The following TJP2 variants were observed in gnomAD, a reference collection of about 807,000 sequenced individuals.
The protein encoded by TJP2 is Friedreich ataxia region gene X104 (tight junction protein ZO-2).
A neutral mutation model predicts 133.1 loss-of-function variants in TJP2; 91 were observed. The observed-to-expected ratio is 0.68, with a 90% confidence interval of 0.58 to 0.81. The LOEUF (loss-of-function observed/expected upper bound fraction) is 0.81, where lower values mean the gene tolerates loss of function less well. Ranked by LOEUF, TJP2 falls within the 40% of genes least tolerant of loss-of-function variation. The pLI is 0.00. For missense variants in TJP2, 1,541 were observed against 1,565.6 expected (o/e 0.98, Z 0.26); for synonymous variants, 592 against 583.4 (o/e 1.01, Z -0.21).
intron 2 of TJP2, among the ~76,000 whole-genome samples, chr9:69,216,104 A>T (rs1391341086): frequency 6.6e-6 from 1 of 152,152 alleles, no homozygotes; most frequent in Non-Finnish European, 1.5e-5. Flanking sequence ...AGTCTGCACT[A>T]TCAATCTTTT....
intron 1 of TJP2, among the ~76,000 whole-genome samples, chr9:69,137,545 G>T (rs1264783712): frequency 6.6e-6 from 1 of 151,286 alleles, no homozygotes; most frequent in Admixed American, 6.6e-5. Flanking sequence ...GTATTTTTTT[G>T]TTGAGATGGA....
intron 2 of TJP2, 100 bp downstream of exon 2, chr9:69,212,701 T>TC: frequency 2.1e-6 from 2 of 959,384 alleles, no homozygotes; most frequent in South Asian, 1.3e-5. Flanking sequence ...GGCTTTTTTT[T>TC]TCCCTTGAGG....
Position 69,218,464 on chromosome 9 carries a change from A to AG in TJP2, c.342+108dup. 4 of 819,048 alleles carry AG rather than the reference A, an allele frequency of 4.9e-6. No homozygotes were observed. In the South Asian group the frequency reaches 5.7e-5, roughly 12 times the overall value. The allele number at this position is 819,048 out of a possible 1,614,324, so 50.7% of individuals were successfully genotyped here. ...AGCATTTGACAGAATTACATAACCT[A>AG]GGGACCGCTGTTCTTGGATCCTCAG... is the stretch of plus-strand genomic sequence containing the variant. On this transcript the variant is annotated intron_variant, in intron 4 of 22. Transcript: ENST00000377245.
At chr9:69,154,802 A>T (rs1418399165) in intron 2 of TJP2, among the ~76,000 whole-genome samples, 1 of 151,834 alleles carries the variant, frequency 6.6e-6, no homozygotes, top group Non-Finnish European at 1.5e-5. Context: ...AATAAATAAA[A>T]ATTAAAAAAA....
rs1226819612 is a variant in TJP2 at position 69,221,425 on chromosome 9, G to A, written c.881G>A (p.Ser294Asn). Residue 294 changes from serine (S) to asparagine (N), a missense_variant, in exon 5 of 23, where the codon AGC becomes AAC. Coordinates refer to ENST00000377245, the MANE Select transcript of TJP2 (RefSeq NM_004817.4). The part of the protein sequence containing the change: ...SRSREHPHSR[S>N]PSPEPRGRPG... ...AGCCGCGAGCACCCGCACTCACGGA[G>A]CCCCAGCCCCGAGCCTAGGGGGCGG... is the stretch of plus-strand genomic sequence containing the variant. 10 of 1,587,558 alleles carry A rather than the reference G, an allele frequency of 6.3e-6. No individual in the cohort carries two copies. In the East Asian group the frequency reaches 2.3e-4, roughly 36 times the overall value.
intron 6 of TJP2, among the ~76,000 whole-genome samples, chr9:69,225,796 T>G (rs964273306): frequency 6.6e-6 from 1 of 152,196 alleles, no homozygotes; most frequent in African/African-American, 2.4e-5. Flanking sequence ...TGTCTTGAGC[T>G]TGGAAGTTAA....
chr9:69,179,210 C>G (rs1423782685), intron 1 of TJP2, among the ~76,000 whole-genome samples: 1 of 152,204 alleles, frequency 6.6e-6, no homozygotes, highest in Non-Finnish European at 1.5e-5. Flanking sequence ...CAATTAGTAA[C>G]TTGTACTTTA....
rs1025378069 is a variant in TJP2, at chr9:69,191,414, C to G, written c.60+16982C>G. Among the ~76,000 whole-genome samples the G allele has an allele frequency of 2.0e-5, 3 of 152,318 alleles. No individual in the cohort carries two copies. In the South Asian group the frequency reaches 6.2e-4, roughly 32 times the overall value. On this transcript the variant is annotated intron_variant, in intron 1 of 22. Transcript: ENST00000377245. ...AGTTGTTGACTATTTCAGTTCCAAACAGTTCGTTATTTCCTGTCAGAGGAA... is the reference window on the plus strand; with the variant it reads ...AGTTGTTGACTATTTCAGTTCCAAAGAGTTCGTTATTTCCTGTCAGAGGAA...
chr9:69,185,164 C>G (rs955569344), intron 1 of TJP2, among the ~76,000 whole-genome samples: 2 of 151,138 alleles, frequency 1.3e-5, no homozygotes, highest in Non-Finnish European at 2.9e-5. Context: ...CGGATTCAAG[C>G]AATTCTCCTG....
At chr9:69,168,037 C>T (rs1824456552) in intron 2 of TJP2, among the ~76,000 whole-genome samples, 1 of 152,104 alleles carries the variant, frequency 6.6e-6, no homozygotes, top group Non-Finnish European at 1.5e-5. Flanking sequence ...CAGCTTTGTT[C>T]TTTCTACATA....
upstream of TJP2, among the ~76,000 whole-genome samples, chr9:69,172,072 G>A (rs1411537576): frequency 2.0e-5 from 3 of 152,166 alleles, no homozygotes; most frequent in African/African-American, 7.2e-5. Flanking sequence ...TGGGATTACA[G>A]GCATGAGCCA....
Position 69,225,297 on chromosome 9 carries a change from C to A in TJP2, c.953-7C>A. On this transcript the variant is annotated splice_polypyrimidine_tract_variant and splice_region_variant and intron_variant, in intron 5 of 22. Transcript: ENST00000377245. Reference sequence around the variant, plus strand: ...CATACGTGTATGTTTATGTGTTTGTCTCCTAGAGTATGGTCTCCGGCTTGG... The same window carrying A: ...CATACGTGTATGTTTATGTGTTTGTATCCTAGAGTATGGTCTCCGGCTTGG... The A allele has an allele frequency of 1.3e-6, 2 of 1,593,982 alleles. No homozygotes were observed. The highest frequency in any genetic ancestry group is 1.7e-6 in the Non-Finnish European group (2 of 1,162,184).
At chr9:69,190,713 C>T (rs4515615) in intron 1 of TJP2, among the ~76,000 whole-genome samples, 28,320 of 152,152 alleles carry the variant, frequency 0.19, 2,726 homozygotes, top group Middle Eastern at 0.23. Context: ...TTGCAGGTAA[C>T]GACCCATGGT....
intron 2 of TJP2, among the ~76,000 whole-genome samples, chr9:69,167,865 C>CAAAAAA (rs33986127): frequency 1.6e-5 from 2 of 128,962 alleles, no homozygotes; most frequent in African/African-American, 2.9e-5. Flanking sequence ...GAGAGTCTGT[C>CAAAAAA]AAAAAAAAAA....
At chr9:69,234,623 C>A in intron 12 of TJP2, 76 bp downstream of exon 12, 2 of 1,099,284 alleles carry the variant, frequency 1.8e-6, no homozygotes, top group Non-Finnish European at 1.4e-6. Flanking sequence ...GTCTTGGTAC[C>A]AGAATAGGCA....
chr9:69,140,070 T>C (rs773137663), intron 1 of TJP2, among the ~76,000 whole-genome samples: 1 of 152,174 alleles, frequency 6.6e-6, no homozygotes, highest in Non-Finnish European at 1.5e-5. Flanking sequence ...CTCAGGTGCT[T>C]AAACACATTT....
chr9:69,173,898 C>T (rs928827178), upstream of TJP2, among the ~76,000 whole-genome samples: 7 of 152,178 alleles, frequency 4.6e-5, no homozygotes, highest in African/African-American at 1.4e-4. Flanking sequence ...AGCGCGCGCG[C>T]TCGGAGCGGG....
intron 4 of TJP2, 33 bp downstream of exon 4, chr9:69,218,392 A>G (rs1385061560): frequency 3.8e-6 from 6 of 1,585,298 alleles, no homozygotes; most frequent in Non-Finnish European, 5.2e-6. Context: ...GCTTGCCTTA[A>G]TAGCATTTTG....
chr9:69,225,896 C>T, intron 6 of TJP2, 126 bp from the exon 7 acceptor site: 3 of 989,750 alleles, frequency 3.0e-6, no homozygotes, highest in South Asian at 3.1e-5. Context: ...TTTATTGAGT[C>T]ATCCTAAAGC....
Sources: gnomAD v4.1 joint callset for allele counts (sites outside exome capture counted in the v4.1 genomes callset) on GRCh38, gnomAD v4.1.1 for gene constraint, MANE v1.5 for transcripts, NCBI Gene and HGNC (gene_info 2026-07-23, HGNC 2026-07-21) for gene names.